The following LILRA2 variants were observed in gnomAD, a reference collection of about 807,000 sequenced individuals.
LILRA2 encodes leukocyte immunoglobulin like receptor A2, also known as leukocyte immunoglobulin-like receptor subfamily A member 2.
Under a neutral mutation model 47.9 loss-of-function variants are expected in LILRA2, and 45 were observed. The ratio of observed to expected loss-of-function variants is 0.94; its 90% CI spans 0.74 to 1.20. The LOEUF (loss-of-function observed/expected upper bound fraction) is 1.20, where lower values mean the gene tolerates loss of function less well. LILRA2 is among the 50% of genes most tolerant of loss of function. LILRA2 has a pLI of 0.00. For synonymous variants in LILRA2, 279 were observed against 249.2 expected, an observed-to-expected ratio of 1.12 and a Z score of -1.13; for missense variants, 651 against 598.2, an observed-to-expected ratio of 1.09 and a Z score of -0.92.
chr19:54,587,511 G>GAATCACCCCAGACA lies in LILRA2; in HGVS notation c.*165_*166insAATCACCCCAGACA. Reference sequence around the variant, plus strand: ...ATTTGAGTGTAAGGAAACTGTCTGGGGTGATTCCTAGAAGATCATTAAACT... The same window carrying GAATCACCCCAGACA: ...ATTTGAGTGTAAGGAAACTGTCTGGGAATCACCCCAGACAGTGATTCCTAGAAGATCATTAAACT... On this transcript the variant is annotated 3_prime_UTR_variant, in exon 8 of 8. Coordinates refer to ENST00000391738, the MANE Select transcript of LILRA2 (RefSeq NM_001130917.3). The GAATCACCCCAGACA allele has an allele frequency of 8.6e-7, 1 of 1,156,390 alleles. No homozygotes were observed. Among genetic ancestry groups the GAATCACCCCAGACA allele is most frequent in the Non-Finnish European group, 1.2e-6 (1 of 839,616 alleles). The allele number at this position is 1,156,390 out of a possible 1,614,324, so 71.6% of individuals were successfully genotyped here.
upstream of LILRA2, chr19:54,573,533 C>A: frequency 1.2e-6 from 1 of 850,666 alleles, no homozygotes; most frequent in East Asian, 2.6e-5. Context: ...TCTGCTCACC[C>A]TCATCTGGAA....
In LILRA2 at chr19:54,574,931, G is replaced by A. The variant is rs137946359; in HGVS notation, c.553G>A (p.Val185Met). Residue 185 changes from valine (V) to methionine (M), a missense_variant, in exon 4 of 8, where the codon GTG becomes ATG. By Grantham distance (21) the Val-to-Met change is conservative. Coordinates refer to ENST00000391738, the MANE Select transcript of LILRA2 (RefSeq NM_001130917.3). ...WSWAIFSVGPVSPSRRWSYRC... is the reference protein window; with the variant it reads ...WSWAIFSVGPMSPSRRWSYRC... Reference sequence around the variant, plus strand: ...CTGGGCCATCTTCTCCGTGGGCCCCGTGAGCCCGAGTCGCAGGTGGTCGTA... The same window carrying A: ...CTGGGCCATCTTCTCCGTGGGCCCCATGAGCCCGAGTCGCAGGTGGTCGTA... The A allele has an allele frequency of 1.9e-4, 307 of 1,614,272 alleles. No homozygotes were observed. The highest frequency in any genetic ancestry group is 1.1e-3 in the African/African-American group (83 of 75,086).
Position 54,585,942 on chromosome 19 carries a change from A to G in LILRA2, c.1256-1068A>G, listed in dbSNP as rs566308973. On this transcript the variant is annotated intron_variant, in intron 6 of 7. Transcript: ENST00000391738. ...TTTTAAAGAAGGATAGGTATCCATG[A>G]GAAAGTGACTGGTTTCATTATGTTC... Among the ~76,000 whole-genome samples the G allele has an allele frequency of 1.9e-3, 282 of 152,340 alleles. 1 individual carries two copies. The highest frequency in any genetic ancestry group is 3.8e-3 in the Admixed American group (58 of 15,298).
At position 54,575,054 on chromosome 19, in the gene LILRA2, C is replaced by T. The variant is rs1258304279; in HGVS notation, c.655+21C>T. 5.0e-6 allele frequency: 8 copies of T among 1,605,378 alleles called. No homozygotes were observed. In the African/African-American group the frequency reaches 5.4e-5, roughly 11 times the overall value. ...CCCAGGTGAGAAATTCACAGAATTG[C>T]TTGGAGTTCCCTGAGTCTCCCTGAG... On this transcript the variant is annotated intron_variant, in intron 4 of 7. Coordinates refer to ENST00000391738, the MANE Select transcript of LILRA2 (RefSeq NM_001130917.3).
chr19:54,575,678 G>A lies in LILRA2; in HGVS notation c.952+126G>A, dbSNP rs2076290147. ...GGGAGGGAGAGACAGAGAGAGACAG[G>A]GGATGGGCGGGGAGGGGAGACTCAG... On this transcript the variant is annotated intron_variant, in intron 5 of 7. Coordinates refer to ENST00000391738, the MANE Select transcript of LILRA2 (RefSeq NM_001130917.3). 2.6e-6 allele frequency: 4 copies of A among 1,562,092 alleles called. No homozygotes were observed. In the South Asian group the frequency reaches 3.5e-5, roughly 14 times the overall value.
rs185612172 is a variant in LILRA2, at chr19:54,577,941, T to C, written c.1255+1832T>C. ...CTTGATTTAATTTATACATTCAATG[T>C]AGAAACAAATTTCTCATTAATATCA... On this transcript the variant is annotated intron_variant, in intron 6 of 7. Transcript: ENST00000391738. Among the ~76,000 whole-genome samples, 295 of 151,698 alleles carry C rather than the reference T, an allele frequency of 1.9e-3. No individual in the cohort carries two copies. The South Asian group carries it at 0.041, about 21-fold the overall frequency.
At chr19:54,574,267 A>G (rs1288918569) in intron 2 of LILRA2, 34 bp from the exon 3 acceptor site, 4 of 1,613,724 alleles carry the variant, frequency 2.5e-6, no homozygotes, top group Non-Finnish European at 3.4e-6. Flanking sequence ...TGGGTGGGAA[A>G]TGACTTAGAA....
upstream of LILRA2, chr19:54,573,045 G>A (rs12983808): frequency 0.033 from 6,795 of 207,590 alleles, 179 homozygotes; most frequent in Middle Eastern, 0.11. Flanking sequence ...ATGCTAAGGG[G>A]TGATCATAGC....
intron 3 of LILRA2, 55 bp downstream of exon 3, chr19:54,574,637 G>C (rs45547738): frequency 6.4e-7 from 1 of 1,569,970 alleles, no homozygotes; most frequent in Non-Finnish European, 8.7e-7. Context: ...GAAGGGGGTC[G>C]GCTCTCAGGG....
Position 54,587,960 on chromosome 19 carries a change from A to T in LILRA2, c.*614A>T, listed in dbSNP as rs187653783. ...TTCAAGTGACACCACAGCTATGCTG[A>T]TTCAGAAAAAGACATCTCTAAAATA... On this transcript the variant is annotated 3_prime_UTR_variant, in exon 8 of 8. Transcript: ENST00000391738. 3.7e-3 allele frequency: 570 copies of T among 153,082 alleles called. No individual in the cohort carries two copies. The South Asian group carries it at 0.073, about 20-fold the overall frequency. The allele number at this position is 153,082 out of a possible 1,614,324, so 9.5% of individuals were successfully genotyped here.
intron 6 of LILRA2, among the ~76,000 whole-genome samples, chr19:54,583,288 T>C (rs571757388): frequency 4.3e-4 from 66 of 152,368 alleles, no homozygotes; most frequent in Middle Eastern, 6.8e-3. Context: ...AGATGTCTAT[T>C]AGGTCTGCTT....
In LILRA2 at chr19:54,574,641, C is replaced by T. The variant is rs1002928146; in HGVS notation, c.352+59C>T. 77 of 1,602,652 alleles carry T rather than the reference C, an allele frequency of 4.8e-5. No individual in the cohort carries two copies. The East Asian group carries it at 1.2e-3, about 26-fold the overall frequency. On this transcript the variant is annotated intron_variant, in intron 3 of 7. Transcript: ENST00000391738. ...TCTGCCCTCAGGAAGGGGGTCGGCT[C>T]TCAGGGGCATCTCCGCTCTCACAGC...
At chr19:54,586,859 G>A (rs982628694) in intron 6 of LILRA2, 151 bp from the exon 7 acceptor site, 27 of 555,792 alleles carry the variant, frequency 4.9e-5, no homozygotes, top group Non-Finnish European at 8.6e-5. Flanking sequence ...ATAATTCAAT[G>A]AGGAGACTGG....
At chr19:54,579,012 A>G (rs978747205) in intron 6 of LILRA2, among the ~76,000 whole-genome samples, 7 of 150,978 alleles carry the variant, frequency 4.6e-5, no homozygotes, top group African/African-American at 1.7e-4. Flanking sequence ...TCTGGATATT[A>G]GCACTTTGCC....
At chr19:54,586,831 G>A (rs2062824397) in intron 6 of LILRA2, among the ~76,000 whole-genome samples, 179 bp from the exon 7 acceptor site, 1 of 152,192 alleles carries the variant, frequency 6.6e-6, no homozygotes, top group South Asian at 2.1e-4. Flanking sequence ...TGGATTTGTA[G>A]AACACAGGAA....
rs1203757541 is a variant in LILRA2 at position 54,580,192 on chromosome 19, C to CTTTT, written c.1255+4084_1255+4087dup. Among the ~76,000 whole-genome samples, 206 of 111,862 alleles carry CTTTT rather than the reference C, an allele frequency of 1.8e-3. 4 individuals carry two copies. Among genetic ancestry groups the CTTTT allele is most frequent in the East Asian group, 2.5e-3 (9 of 3,558 alleles). The allele number at this position is 111,862 out of a possible 152,430, so 73.4% of individuals were successfully genotyped here. A position where few individuals can be genotyped will look rare whatever the true frequency, so the allele number is the denominator to read the frequency against. On this transcript the variant is annotated intron_variant, in intron 6 of 7. Transcript: ENST00000391738. ...GAAATTCTTGTCTTGTGCCGGTTTT[C>CTTTT]TTTTCTTTTTTTTTTTTTTTTATTA... is the stretch of plus-strand genomic sequence containing the variant.
chr19:54,583,109 A>G (rs1690346878), intron 6 of LILRA2, among the ~76,000 whole-genome samples: 1 of 152,126 alleles, frequency 6.6e-6, no homozygotes, highest in Admixed American at 6.5e-5. Flanking sequence ...ATTAATCCTG[A>G]GTTGTAATTT....
Position 54,589,632 on chromosome 19 carries a change from C to T in LILRA2, c.*2286C>T, listed in dbSNP as rs1214159649. Reference sequence around the variant, plus strand: ...CATCCCAGTATCATAAATCAAAAGGCTTAAAATTAGTTATCTCCCTCTAGG... The same window carrying T: ...CATCCCAGTATCATAAATCAAAAGGTTTAAAATTAGTTATCTCCCTCTAGG... On this transcript the variant is annotated 3_prime_UTR_variant, in exon 8 of 8. Transcript: ENST00000391738. The T allele has an allele frequency of 6.6e-6, 1 of 152,194 alleles. No homozygotes were observed. Among genetic ancestry groups the T allele is most frequent in the Non-Finnish European group, 1.5e-5 (1 of 68,026 alleles). 9.4% of individuals were successfully genotyped at this position (152,194 alleles called of 1,614,324 possible). A position where few individuals can be genotyped will look rare whatever the true frequency, so the allele number is the denominator to read the frequency against.
rs200445040 is a variant in LILRA2 at position 54,574,939 on chromosome 19, G to T, written c.561G>T (p.Pro187=). 7.4e-6 allele frequency: 11 copies of T among 1,486,860 alleles called. No homozygotes were observed. In the East Asian group the frequency reaches 1.0e-4, roughly 14 times the overall value. The allele number at this position is 1,486,860 out of a possible 1,614,324, so 92.1% of individuals were successfully genotyped here. A position where few individuals can be genotyped will look rare whatever the true frequency, so the allele number is the denominator to read the frequency against. Residue 187 remains proline (P), a synonymous_variant, in exon 4 of 8, where the codon CCG becomes CCT. Transcript: ENST00000391738. The part of the protein sequence containing the change: ...WAIFSVGPVS[P]SRRWSYRCYA... ...TCTTCTCCGTGGGCCCCGTGAGCCC[G>T]AGTCGCAGGTGGTCGTACAGGTGCT...
Sources: allele counts gnomAD v4.1 joint callset (sites outside exome capture counted in the v4.1 genomes callset), GRCh38; gene constraint gnomAD v4.1.1; transcripts MANE v1.5; gene names NCBI Gene and HGNC (gene_info 2026-07-23, HGNC 2026-07-21).